SLC7A1: variants seen among roughly 807,000 people sequenced by gnomAD.
The protein encoded by SLC7A1 is high affinity cationic amino acid transporter 1.
In SLC7A1, 10 loss-of-function variants were observed where a neutral mutation model predicts 53.9. The observed-to-expected ratio is 0.19, with a 90% CI of 0.11 to 0.31. The LOEUF is 0.31. Among genes scored for constraint, SLC7A1 ranks in the 10% least tolerant of loss-of-function variants. SLC7A1 has a pLI of 1.00. For missense variants in SLC7A1, 525 were observed against 827.2 expected (o/e 0.63, Z 4.48); for synonymous variants, 342 against 338.7 (o/e 1.01, Z -0.11).
chr13:29,587,883 T>C (rs1236843161), intron 1 of SLC7A1, among the ~76,000 whole-genome samples: 1 of 152,042 alleles, frequency 6.6e-6, no homozygotes, highest in African/African-American at 2.4e-5. Flanking sequence ...GTGTGGGTGG[T>C]GGAGGGATCA....
intron 5 of SLC7A1, among the ~76,000 whole-genome samples, chr13:29,526,030 AAG>A (rs1026279779): frequency 2.0e-5 from 3 of 152,200 alleles, no homozygotes; most frequent in Non-Finnish European, 4.4e-5. Flanking sequence ...CAAATGGCTC[AAG>A]AGGGGGAGGA....
intron 12 of SLC7A1, among the ~76,000 whole-genome samples, chr13:29,515,412 TGGGCCGCAAAGTA>T (rs1357080554): frequency 6.6e-6 from 1 of 152,184 alleles, no homozygotes; most frequent in Admixed American, 6.5e-5. Context: ...CAGCAGACAG[TGGGCCGCAAAGTA>T]TTTCCTGGAG....
At chr13:29,547,492 AAAC>A (rs1033686152) in intron 2 of SLC7A1, among the ~76,000 whole-genome samples, 1 of 152,242 alleles carries the variant, frequency 6.6e-6, no homozygotes, top group African/African-American at 2.4e-5. Flanking sequence ...AAAAGTGTCA[AAAC>A]AACATTATAG....
intron 1 of SLC7A1, among the ~76,000 whole-genome samples, chr13:29,581,601 G>A (rs76717881): frequency 0.063 from 9,545 of 152,254 alleles, 373 homozygotes; most frequent in Middle Eastern, 0.16. Context: ...CCAAGCATGC[G>A]CTGTCCCCTC....
intron 5 of SLC7A1, among the ~76,000 whole-genome samples, chr13:29,530,192 A>G (rs1202965432): frequency 6.6e-6 from 1 of 152,222 alleles, no homozygotes; most frequent in East Asian, 1.9e-4. Context: ...TGAACACAAA[A>G]TTCCAAAGTT....
intron 1 of SLC7A1, among the ~76,000 whole-genome samples, chr13:29,556,789 G>T (rs1199239074): frequency 6.6e-6 from 1 of 152,212 alleles, no homozygotes; most frequent in East Asian, 1.9e-4. Flanking sequence ...AGACCCAACA[G>T]TTTGAGAACC....
chr13:29,574,324 G>A lies in SLC7A1; in HGVS notation c.-114-20464C>T, dbSNP rs141347446. Among the ~76,000 whole-genome samples, 1,273 of 152,322 alleles carry A rather than the reference G, an allele frequency of 8.4e-3. 20 individuals are homozygous for A. Among genetic ancestry groups the A allele is most frequent in the Non-Finnish European group, 0.012 (801 of 68,026 alleles). On this transcript the variant is annotated intron_variant, in intron 1 of 12. Coordinates refer to ENST00000380752, the MANE Select transcript of SLC7A1 (RefSeq NM_003045.5). The stretch of plus-strand genomic sequence containing the variant: ...CTTGCAACTTCCAGAAAGGCCTACA[G>A]AGCTCCCCATTCAGAGCTGAAAGTA...
chr13:29,536,519 C>T (rs891374844), intron 2 of SLC7A1, among the ~76,000 whole-genome samples: 3 of 152,184 alleles, frequency 2.0e-5, no homozygotes, highest in Admixed American at 6.5e-5. Context: ...GTAGAGGAAA[C>T]ACACATTAAT....
rs753993399 is a variant in SLC7A1 at position 29,530,756 on chromosome 13, A to T, written c.530-44T>A. The T allele has an allele frequency of 4.5e-6, 7 of 1,555,454 alleles. No individual in the cohort carries two copies. The African/African-American group carries it at 8.2e-5, about 18-fold the overall frequency. On this transcript the variant is annotated intron_variant, in intron 4 of 12. Transcript: ENST00000380752. ...ACAAAACTTTGTCTGAGTGTTAACCACAAACTGGGAAGGTCCTTCCTGGAT... is the reference window on the plus strand; with the variant it reads ...ACAAAACTTTGTCTGAGTGTTAACCTCAAACTGGGAAGGTCCTTCCTGGAT...
intron 1 of SLC7A1, among the ~76,000 whole-genome samples, chr13:29,555,155 G>T (rs977386154): frequency 1.3e-5 from 2 of 150,568 alleles, no homozygotes; most frequent in Non-Finnish European, 3.0e-5. Context: ...TCAGGAGATC[G>T]AGACCATCCC....
chr13:29,589,999 A>C (rs918838769), intron 1 of SLC7A1, among the ~76,000 whole-genome samples: 9 of 152,226 alleles, frequency 5.9e-5, no homozygotes, highest in Admixed American at 5.9e-4. Context: ...ACCTAGCCCC[A>C]GGGCCCCTCC....
chr13:29,537,276 G>A (rs903339977), intron 2 of SLC7A1, among the ~76,000 whole-genome samples: 2 of 152,226 alleles, frequency 1.3e-5, no homozygotes, highest in Non-Finnish European at 2.9e-5. Context: ...TTGGCAGAGC[G>A]ATGTGATGAG....
intron 11 of SLC7A1, 171 bp downstream of exon 11, chr13:29,516,968 CCAGGG>C: frequency 3.8e-6 from 2 of 529,048 alleles, no homozygotes; most frequent in Non-Finnish European, 6.4e-6. Flanking sequence ...CTGCCTCCTT[CCAGGG>C]TCTGGTCCTC....
At chr13:29,584,010 GTCA>G (rs1871767513) in intron 1 of SLC7A1, among the ~76,000 whole-genome samples, 1 of 152,140 alleles carries the variant, frequency 6.6e-6, no homozygotes, top group African/African-American at 2.4e-5. Context: ...CAATAACAGA[GTCA>G]TCATTTATTT....
chr13:29,563,691 T>C (rs7338758), intron 1 of SLC7A1, among the ~76,000 whole-genome samples: 84,432 of 152,058 alleles, frequency 0.56, 27,852 homozygotes, highest in Non-Finnish European at 0.75. Flanking sequence ...ATGGGCAGCT[T>C]GAAGAGACGG....
At chr13:29,566,383 C>T (rs993976574) in intron 1 of SLC7A1, among the ~76,000 whole-genome samples, 2 of 152,184 alleles carry the variant, frequency 1.3e-5, no homozygotes, top group African/African-American at 4.8e-5. Context: ...AAACGTCCAT[C>T]GACTGCTGAA....
intron 1 of SLC7A1, among the ~76,000 whole-genome samples, chr13:29,565,365 A>G (rs1460702472): frequency 6.6e-6 from 1 of 152,176 alleles, no homozygotes; most frequent in Non-Finnish European, 1.5e-5. Context: ...AGGCCTGGGG[A>G]GTACTTCAGG....
intron 2 of SLC7A1, among the ~76,000 whole-genome samples, chr13:29,539,898 G>C (rs1198613929): frequency 6.6e-6 from 1 of 152,190 alleles, no homozygotes; most frequent in African/African-American, 2.4e-5. Context: ...TCTCAGGCTA[G>C]GTGTTCATTC....
chr13:29,566,343 T>C (rs1870966640), intron 1 of SLC7A1, among the ~76,000 whole-genome samples: 1 of 152,230 alleles, frequency 6.6e-6, no homozygotes, highest in Non-Finnish European at 1.5e-5. Context: ...AGTAGCATTA[T>C]TCATAATAGG....
Sources: gnomAD v4.1 joint callset for allele counts (sites outside exome capture counted in the v4.1 genomes callset) on GRCh38, gnomAD v4.1.1 for gene constraint, MANE v1.5 for transcripts, NCBI Gene and HGNC (gene_info 2026-07-23, HGNC 2026-07-21) for gene names.